RIC1: variants seen among roughly 807,000 people sequenced by gnomAD.
RIC1 encodes RIC1 partner of RAB6A GEF complex, also known as guanine nucleotide exchange factor subunit RIC1.
Under a neutral mutation model 169.0 loss-of-function variants are expected in RIC1, and 88 were observed. The ratio of observed to expected loss-of-function variants is 0.52; its 90% CI spans 0.44 to 0.62. RIC1 has a LOEUF of 0.62. RIC1 is among the 20% of genes least tolerant of loss of function. The pLI is 0.00. For missense variants in RIC1, 1,877 were observed against 1,725.5 expected (o/e 1.09, Z -1.56); for synonymous variants, 790 against 601.5 (o/e 1.31, Z -4.59).
chr9:5,679,817 T>C (rs1026597574), intron 2 of RIC1, among the ~76,000 whole-genome samples: 5 of 152,210 alleles, frequency 3.3e-5, no homozygotes, highest in African/African-American at 9.7e-5. Flanking sequence ...CTTTTCCTAA[T>C]TGAATGCCCT....
intron 1 of RIC1, among the ~76,000 whole-genome samples, chr9:5,654,455 G>T (rs1174032310): frequency 6.6e-6 from 1 of 152,042 alleles, no homozygotes; most frequent in Non-Finnish European, 1.5e-5. Context: ...CACCATGTTG[G>T]CGGGCTGGTC....
At chr9:5,715,690 GA>G (rs1437029788) in intron 4 of RIC1, among the ~76,000 whole-genome samples, 3 of 152,020 alleles carry the variant, frequency 2.0e-5, no homozygotes, top group Non-Finnish European at 4.4e-5. Flanking sequence ...TTTTTGATTT[GA>G]AGAAAAAATA....
chr9:5,729,859 T>C (rs1438260766), intron 6 of RIC1, among the ~76,000 whole-genome samples: 5 of 149,540 alleles, frequency 3.3e-5, no homozygotes, highest in East Asian at 4.0e-4. Flanking sequence ...CTTTTTTTTT[T>C]CCTATAAGGT....
At chr9:5,654,831 G>C (rs577511582) in intron 1 of RIC1, among the ~76,000 whole-genome samples, 1 of 152,328 alleles carries the variant, frequency 6.6e-6, no homozygotes, top group African/African-American at 2.4e-5. Context: ...GGGATTACAG[G>C]CATGAGCTAC....
intron 8 of RIC1, among the ~76,000 whole-genome samples, chr9:5,740,797 A>G (rs1825039519): frequency 6.6e-6 from 1 of 152,162 alleles, no homozygotes; most frequent in African/African-American, 2.4e-5. Flanking sequence ...CAGCACCCTC[A>G]CAGACACACC....
intron 2 of RIC1, among the ~76,000 whole-genome samples, chr9:5,674,418 G>T (rs1196123617): frequency 6.6e-6 from 1 of 152,064 alleles, no homozygotes; most frequent in African/African-American, 2.4e-5. Flanking sequence ...ATATAAGCCA[G>T]ATTACTATGA....
At chr9:5,689,834 A>C in intron 2 of RIC1, 125 bp from the exon 3 acceptor site, 1 of 609,050 alleles carries the variant, frequency 1.6e-6, no homozygotes, top group Non-Finnish European at 2.8e-6. Context: ...ATTAGGCTAT[A>C]ATTCTCCAAG....
Position 5,763,113 on chromosome 9 carries a change from A to C in RIC1, c.2113-27A>C, listed in dbSNP as rs2131096193. The C allele has an allele frequency of 3.1e-6, 5 of 1,602,324 alleles. No individual in the cohort carries two copies. Among genetic ancestry groups the C allele is most frequent in the Non-Finnish European group, 4.3e-6 (5 of 1,172,786 alleles). On this transcript the variant is annotated intron_variant, in intron 18 of 25. Transcript: ENST00000414202. The surrounding 1 kb of genome is among the most constrained non-coding windows in gnomAD (Gnocchi z 5.2). ...AACCTGCAGATTTAATAGGAAAACA[A>C]CTTGATTCTTGTCTCTCCTTCTCCA...
Position 5,775,386 on chromosome 9 carries a change from C to T in RIC1, c.*1140C>T, listed in dbSNP as rs1213552997. 6.6e-6 allele frequency: 1 copy of T among 152,136 alleles called. No homozygotes were observed. Among genetic ancestry groups the T allele is most frequent in the Admixed American group, 6.5e-5 (1 of 15,272 alleles). The allele number at this position is 152,136 out of a possible 1,614,324, so 9.4% of individuals were successfully genotyped here. A position where few individuals can be genotyped will look rare whatever the true frequency, so the allele number is the denominator to read the frequency against. On this transcript the variant is annotated 3_prime_UTR_variant, in exon 26 of 26. Transcript: ENST00000414202. ...ACATTATGAAAACAACTGCATACTC[C>T]TTAATTGCTTTAAACACCCATCCAC...
chr9:5,640,846 G>A (rs1010693331), intron 1 of RIC1, among the ~76,000 whole-genome samples: 2 of 152,088 alleles, frequency 1.3e-5, no homozygotes, highest in African/African-American at 4.8e-5. Flanking sequence ...CATGCTTGAA[G>A]GATATTTTCA....
At chr9:5,757,109 T>A (rs1432070879) in intron 16 of RIC1, among the ~76,000 whole-genome samples, 1 of 152,190 alleles carries the variant, frequency 6.6e-6, no homozygotes, top group Non-Finnish European at 1.5e-5. Flanking sequence ...TGTTACTCCC[T>A]TTCTTTCTCT....
At chr9:5,695,708 C>G (rs1307721065) in intron 3 of RIC1, among the ~76,000 whole-genome samples, 2 of 151,574 alleles carry the variant, frequency 1.3e-5, no homozygotes, top group Admixed American at 6.6e-5. Context: ...GTAGCTGGGA[C>G]TACAGGCATG....
chr9:5,767,320 A>G (rs1296595951), intron 21 of RIC1, among the ~76,000 whole-genome samples: 1 of 152,216 alleles, frequency 6.6e-6, no homozygotes, highest in Non-Finnish European at 1.5e-5. Flanking sequence ...CATAGATGGG[A>G]TATTGTCTTC....
chr9:5,743,524 A>G (rs1466285850), intron 9 of RIC1, among the ~76,000 whole-genome samples, 165 bp from the exon 10 acceptor site: 2 of 152,188 alleles, frequency 1.3e-5, no homozygotes, highest in Non-Finnish European at 2.9e-5. Context: ...GCTGAGAGAT[A>G]TATACACCTA....
chr9:5,734,366 A>G (rs1402410202), intron 7 of RIC1, among the ~76,000 whole-genome samples: 2 of 151,926 alleles, frequency 1.3e-5, no homozygotes, highest in African/African-American at 4.8e-5. Context: ...GGCCTCCCAA[A>G]GTGCTGTGAT....
intron 6 of RIC1, among the ~76,000 whole-genome samples, chr9:5,725,347 A>C (rs948558802): frequency 5.3e-5 from 8 of 152,114 alleles, no homozygotes; most frequent in African/African-American, 1.7e-4. Flanking sequence ...ATTTGCTTAG[A>C]GGTGTTTATA....
intron 6 of RIC1, among the ~76,000 whole-genome samples, chr9:5,730,857 C>A (rs1474870228): frequency 6.6e-6 from 1 of 152,130 alleles, no homozygotes; most frequent in Non-Finnish European, 1.5e-5. Flanking sequence ...CCCTAATTAT[C>A]TGACCTCCTG....
intron 1 of RIC1, among the ~76,000 whole-genome samples, chr9:5,654,484 G>T (rs548531778): frequency 6.6e-6 from 1 of 152,136 alleles, no homozygotes; most frequent in African/African-American, 2.4e-5. Context: ...CTGACCTCAG[G>T]TGATTTGTCT....
chr9:5,651,753 A>T (rs1312108676), intron 1 of RIC1, among the ~76,000 whole-genome samples: 1 of 151,476 alleles, frequency 6.6e-6, no homozygotes, highest in Non-Finnish European at 1.5e-5. Flanking sequence ...TTTTTATTAG[A>T]GATGGGGTTT....
Sources: allele counts gnomAD v4.1 joint callset (sites outside exome capture counted in the v4.1 genomes callset), GRCh38; gene constraint gnomAD v4.1.1; non-coding constraint Gnocchi (gnomAD v3.1); transcripts MANE v1.5; gene names NCBI Gene and HGNC (gene_info 2026-07-23, HGNC 2026-07-21).